The following LMX1A variants were observed in gnomAD, a reference collection of about 807,000 sequenced individuals.
LMX1A encodes the protein LIM homeobox transcription factor 1-alpha.
In LMX1A, 15 loss-of-function variants were observed where a neutral mutation model predicts 49.1. The ratio of observed to expected loss-of-function variants is 0.31; its 90% CI spans 0.20 to 0.47. The LOEUF (loss-of-function observed/expected upper bound fraction) is 0.47, where lower values mean the gene tolerates loss of function less well. Ranked by LOEUF, LMX1A falls within the 20% of genes least tolerant of loss-of-function variation. The pLI, the probability that LMX1A is intolerant of heterozygous loss-of-function variation, is 1.00. For missense variants in LMX1A, 372 were observed against 475.8 expected, an observed-to-expected ratio of 0.78 and a Z score of 2.03; for synonymous variants, 167 against 185.7, an observed-to-expected ratio of 0.90 and a Z score of 0.82.
chr1:165,300,930 C>T (rs975772111), intron 3 of LMX1A, among the ~76,000 whole-genome samples: 2 of 152,146 alleles, frequency 1.3e-5, no homozygotes, highest in Admixed American at 6.5e-5. Context: ...CCCTAGGTGG[C>T]ATCTAAGGGC....
intron 4 of LMX1A, among the ~76,000 whole-genome samples, chr1:165,234,581 G>A (rs996122582): frequency 1.3e-5 from 2 of 152,132 alleles, no homozygotes; most frequent in African/African-American, 4.8e-5. Flanking sequence ...GACAGATATA[G>A]ACGGGCTTTC....
chr1:165,272,925 G>A (rs1653850383), intron 3 of LMX1A, among the ~76,000 whole-genome samples: 1 of 152,124 alleles, frequency 6.6e-6, no homozygotes, highest in South Asian at 2.1e-4. Flanking sequence ...TTCTTCCACG[G>A]ACCACAGAGG....
intron 6 of LMX1A, 78 bp downstream of exon 6, chr1:165,210,621 C>T (rs1651341015): frequency 9.8e-7 from 1 of 1,023,722 alleles, no homozygotes; most frequent in Admixed American, 2.1e-5. Flanking sequence ...GAAAACCTGG[C>T]AGCAAGTACA....
intron 4 of LMX1A, among the ~76,000 whole-genome samples, chr1:165,245,561 T>G (rs1652822642): frequency 1.3e-5 from 2 of 152,010 alleles, no homozygotes; most frequent in Admixed American, 1.3e-4. Flanking sequence ...TTCTCTCTGG[T>G]TCGTCAATGA....
At chr1:165,278,435 T>A (rs1023614601) in intron 3 of LMX1A, among the ~76,000 whole-genome samples, 1 of 152,198 alleles carries the variant, frequency 6.6e-6, no homozygotes, top group Non-Finnish European at 1.5e-5. Flanking sequence ...TCCTCTTTCT[T>A]TTGGAGTAAC....
At chr1:165,304,282 C>A (rs188027049) in intron 3 of LMX1A, among the ~76,000 whole-genome samples, 5 of 152,204 alleles carry the variant, frequency 3.3e-5, no homozygotes, top group Admixed American at 3.3e-4. Context: ...TAAACTTTAG[C>A]CTCTCCCACC....
chr1:165,296,115 C>T (rs186172033), intron 3 of LMX1A, among the ~76,000 whole-genome samples: 1 of 152,250 alleles, frequency 6.6e-6, no homozygotes, highest in East Asian at 1.9e-4. Flanking sequence ...AACATATCTC[C>T]CCTCCTTCGT....
At chr1:165,319,293 G>T (rs970829256) in intron 3 of LMX1A, among the ~76,000 whole-genome samples, 3 of 151,952 alleles carry the variant, frequency 2.0e-5, no homozygotes, top group Non-Finnish European at 4.4e-5. Flanking sequence ...ATGTGCAAAT[G>T]AATAAACCCA....
At chr1:165,219,775 A>G (rs1651771109) in intron 4 of LMX1A, among the ~76,000 whole-genome samples, 1 of 152,204 alleles carries the variant, frequency 6.6e-6, no homozygotes, top group South Asian at 2.1e-4. Flanking sequence ...AGCACTTATT[A>G]TGGGCTAATG....
intron 3 of LMX1A, among the ~76,000 whole-genome samples, chr1:165,309,178 C>T (rs970590306): frequency 3.9e-5 from 6 of 152,044 alleles, no homozygotes; most frequent in African/African-American, 1.4e-4. Flanking sequence ...TGAGGGCTCG[C>T]TCCTGGATGC....
At chr1:165,347,001 T>C (rs1238551573) in intron 3 of LMX1A, among the ~76,000 whole-genome samples, 5 of 152,182 alleles carry the variant, frequency 3.3e-5, no homozygotes, top group Non-Finnish European at 7.3e-5. Flanking sequence ...ATTTAATATA[T>C]GACAAGGAGA....
At chr1:165,304,107 GT>G (rs756999745) in intron 3 of LMX1A, among the ~76,000 whole-genome samples, 3 of 152,082 alleles carry the variant, frequency 2.0e-5, no homozygotes, top group Non-Finnish European at 2.9e-5. Flanking sequence ...CAGAATGGAG[GT>G]GGTGAAGCCA....
chr1:165,346,913 A>G (rs1237663827), intron 3 of LMX1A, among the ~76,000 whole-genome samples: 1 of 152,196 alleles, frequency 6.6e-6, no homozygotes, highest in African/African-American at 2.4e-5. Flanking sequence ...ATAGACAGAT[A>G]ATTGTGCTTT....
chr1:165,266,627 G>T (rs1477966811), intron 3 of LMX1A, among the ~76,000 whole-genome samples: 1 of 119,014 alleles, frequency 8.4e-6, no homozygotes, highest in Non-Finnish European at 1.7e-5. Context: ...TTTGAGACAG[G>T]GTCTCGCTCT....
intron 3 of LMX1A, among the ~76,000 whole-genome samples, chr1:165,253,685 C>T (rs1653134301): frequency 6.6e-6 from 1 of 152,184 alleles, no homozygotes; most frequent in Admixed American, 6.5e-5. Context: ...ATCAGAAGCA[C>T]CTCAGAATAA....
Position 165,340,899 on chromosome 1 carries a change from C to T in LMX1A, c.263+12177G>A, listed in dbSNP as rs147650306. ...TCAAAAGTCATGATGTTCAACTTATCCTACGTCAGGAATATTTTCTAGGTC... is the reference window on the plus strand; with the variant it reads ...TCAAAAGTCATGATGTTCAACTTATTCTACGTCAGGAATATTTTCTAGGTC... On this transcript the variant is annotated intron_variant, in intron 3 of 8. Transcript: ENST00000342310. 4.2e-3 allele frequency among the ~76,000 whole-genome samples: 639 copies of T among 152,264 alleles called. 1 individual carries two copies. Among genetic ancestry groups the T allele is most frequent in the Non-Finnish European group, 6.7e-3 (453 of 68,018 alleles).
chr1:165,300,489 C>T (rs1376880998), intron 3 of LMX1A, among the ~76,000 whole-genome samples: 1 of 152,196 alleles, frequency 6.6e-6, no homozygotes, highest in Non-Finnish European at 1.5e-5. Flanking sequence ...GCTTTTACTA[C>T]AGAGAAAACT....
intron 7 of LMX1A, among the ~76,000 whole-genome samples, chr1:165,207,261 C>G (rs16841029): frequency 0.14 from 21,657 of 152,144 alleles, 1,983 homozygotes; most frequent in African/African-American, 0.26. Context: ...GTTGGGTGGC[C>G]AGGGGCATAG....
chr1:165,322,674 A>AAGGGGGCTG (rs1318138520), intron 3 of LMX1A, among the ~76,000 whole-genome samples: 2 of 152,130 alleles, frequency 1.3e-5, no homozygotes, highest in Non-Finnish European at 2.9e-5. Flanking sequence ...TAAAGGAAGA[A>AAGGGGGCTG]AGGGGGCTGT....
Sources: gnomAD v4.1 joint callset for allele counts (sites outside exome capture counted in the v4.1 genomes callset) on GRCh38, gnomAD v4.1.1 for gene constraint, MANE v1.5 for transcripts, NCBI Gene and HGNC (gene_info 2026-07-23, HGNC 2026-07-21) for gene names.